MED13: variants seen among roughly 807,000 people sequenced by gnomAD.
The protein encoded by MED13 is mediator of RNA polymerase II transcription subunit 13.
In MED13, 23 loss-of-function variants were observed where a neutral mutation model predicts 225.2. The ratio of observed to expected loss-of-function variants is 0.10; its 90% CI spans 0.07 to 0.14. The LOEUF is 0.14. MED13 is among the 10% of genes least tolerant of loss of function. MED13 has a pLI of 1.00. For synonymous variants in MED13, 942 were observed against 889.2 expected (o/e 1.06, Z -1.06); for missense variants, 2,197 against 2,594.5 (o/e 0.85, Z 3.33).
chr17:62,015,249 T>C (rs2080551914), intron 8 of MED13, among the ~76,000 whole-genome samples: 1 of 152,210 alleles, frequency 6.6e-6, no homozygotes, highest in African/African-American at 2.4e-5. Flanking sequence ...GATATTCGTA[T>C]TTTTTAGAGC....
In MED13 at chr17:61,965,141, C is replaced by T. The variant is rs752594053; in HGVS notation, c.4709G>A (p.Gly1570Glu). The change falls in exon 20 of 30, where the codon GGA becomes GAA. Residue 1570 changes from glycine (G) to glutamate (E), a missense_variant. Gly to Glu is a moderately conservative substitution (Grantham distance 98, BLOSUM62 -2). Coordinates refer to ENST00000397786, the MANE Select transcript of MED13 (RefSeq NM_005121.3). Reference sequence around the variant, plus strand: ...TGTATTTGCTTGTGTAGACATGGATCCTGCAGCATTACTGTTCATACTGCC... The same window carrying T: ...TGTATTTGCTTGTGTAGACATGGATTCTGCAGCATTACTGTTCATACTGCC... The part of the protein sequence containing the change: ...PFGSMNSNAA[G>E]SMSTQANTVQ... 3 of 1,614,072 alleles carry T rather than the reference C, an allele frequency of 1.9e-6. No homozygotes were observed. The highest frequency in any genetic ancestry group is 2.2e-5 in the East Asian group (1 of 44,880).
At chr17:62,048,213 C>T (rs1005326172) in intron 3 of MED13, among the ~76,000 whole-genome samples, 1 of 149,912 alleles carries the variant, frequency 6.7e-6, no homozygotes, top group African/African-American at 2.4e-5. Flanking sequence ...CAAGACCAGC[C>T]TAGCCAACAT....
At chr17:61,985,564 G>A (rs964235498) in intron 12 of MED13, among the ~76,000 whole-genome samples, 3 of 152,094 alleles carry the variant, frequency 2.0e-5, no homozygotes, top group Admixed American at 6.5e-5. Context: ...CCAGCTACTC[G>A]GGAGGCTGAG....
chr17:61,951,676 A>T (rs2079897930), intron 27 of MED13, among the ~76,000 whole-genome samples: 1 of 152,168 alleles, frequency 6.6e-6, no homozygotes, highest in South Asian at 2.1e-4. Context: ...TGCAACATAA[A>T]CGTATGTGGA....
intron 16 of MED13, among the ~76,000 whole-genome samples, chr17:61,979,289 GATT>G (rs1256834770): frequency 1.3e-5 from 2 of 151,960 alleles, no homozygotes; most frequent in African/African-American, 4.8e-5. Flanking sequence ...GTACTATCAT[GATT>G]ACTCAACCCT....
chr17:61,948,085 T>C (rs954408391), intron 28 of MED13, among the ~76,000 whole-genome samples: 26 of 152,190 alleles, frequency 1.7e-4, no homozygotes, highest in African/African-American at 6.0e-4. Flanking sequence ...ATTTTTAAAA[T>C]GTAATTAGTA....
chr17:62,058,536 A>G (rs1301913955), intron 2 of MED13, among the ~76,000 whole-genome samples: 3 of 151,022 alleles, frequency 2.0e-5, no homozygotes, highest in African/African-American at 7.3e-5. Context: ...AAAAAAAAAA[A>G]AAAAAAGAAA....
intron 8 of MED13, among the ~76,000 whole-genome samples, chr17:62,023,261 G>A (rs2080667293): frequency 6.6e-6 from 1 of 152,048 alleles, no homozygotes; most frequent in Non-Finnish European, 1.5e-5. Flanking sequence ...AATGTTATCA[G>A]GCAGGGTCCA....
chr17:62,055,210 C>T (rs1362975491), intron 2 of MED13, among the ~76,000 whole-genome samples: 2 of 151,842 alleles, frequency 1.3e-5, no homozygotes, highest in African/African-American at 4.8e-5. Flanking sequence ...GCCTGGCCAA[C>T]ATGGCAAAAC....
intron 8 of MED13, among the ~76,000 whole-genome samples, chr17:62,013,995 C>G (rs913291375): frequency 7.2e-5 from 11 of 152,066 alleles, no homozygotes; most frequent in Non-Finnish European, 1.6e-4. Context: ...GCTGAGATCA[C>G]ACCACTGCAC....
At chr17:62,010,048 C>T (rs1215413615) in intron 9 of MED13, among the ~76,000 whole-genome samples, 3 of 151,872 alleles carry the variant, frequency 2.0e-5, no homozygotes, top group African/African-American at 7.3e-5. Flanking sequence ...ATGGTGAAAC[C>T]CCATCTCTAC....
chr17:62,024,422 A>T (rs528932365), intron 8 of MED13, among the ~76,000 whole-genome samples: 13 of 152,382 alleles, frequency 8.5e-5, no homozygotes, highest in African/African-American at 3.1e-4. Context: ...AAACCATTTT[A>T]GACAAAATAC....
At chr17:61,972,951 T>C (rs915489187) in intron 16 of MED13, 63 bp from the exon 17 acceptor site, 19 of 1,412,286 alleles carry the variant, frequency 1.3e-5, no homozygotes, top group Non-Finnish European at 1.8e-5. Context: ...AATAAAATTT[T>C]AAGATAATAC....
At chr17:61,964,642 A>G (rs1028346614) in intron 20 of MED13, among the ~76,000 whole-genome samples, 1 of 152,126 alleles carries the variant, frequency 6.6e-6, no homozygotes, top group Non-Finnish European at 1.5e-5. Flanking sequence ...TTATTTAGAA[A>G]AAAAGCAGCA....
rs910355334 is a variant in MED13 at position 62,029,778 on chromosome 17, A to C, written c.1172+73T>G. On this transcript the variant is annotated intron_variant, in intron 7 of 29. Transcript: ENST00000397786. ...AGAAAAATCAAACAAATGACTGTTTATACTTTAGATATCTTCTAATTATAA... is the reference window on the plus strand; with the variant it reads ...AGAAAAATCAAACAAATGACTGTTTCTACTTTAGATATCTTCTAATTATAA... 19 of 1,521,644 alleles carry C rather than the reference A, an allele frequency of 1.2e-5. No homozygotes were observed. In the African/African-American group the frequency reaches 2.5e-4, roughly 20 times the overall value. 94.3% of individuals were successfully genotyped at this position (1,521,644 alleles called of 1,614,324 possible).
chr17:61,956,595 G>C, intron 23 of MED13, 114 bp from the exon 24 acceptor site: 1 of 1,065,636 alleles, frequency 9.4e-7, no homozygotes, highest in Non-Finnish European at 1.3e-6. Context: ...ATGGAGTGCA[G>C]TGGTGCGATC....
At position 62,010,036 on chromosome 17, in the gene MED13, G is replaced by T. The variant is rs563598748; in HGVS notation, c.1967+514C>A. ...CAGGAGTTCGAGACCAGCCTAGCCA[G>T]CATGGTGAAACCCCATCTCTACTAA... is the stretch of plus-strand genomic sequence containing the variant. On this transcript the variant is annotated intron_variant, in intron 9 of 29. Transcript: ENST00000397786. Among the ~76,000 whole-genome samples, 3 of 151,982 alleles carry T rather than the reference G, an allele frequency of 2.0e-5. No individual in the cohort carries two copies. The East Asian group carries it at 5.8e-4, about 30-fold the overall frequency.
chr17:61,984,718 C>T lies in MED13; in HGVS notation c.2624G>A (p.Ser875Asn), dbSNP rs746918668. ...GGTVLEGNSS[S>N]IGAQFKIEVD... is the part of the protein sequence containing the mutation. ...CTCAATTTTGAACTGCGCTCCTATA[C>T]TAGAACTATTTCCTTCTAGAACAGT... Residue 875 changes from serine to asparagine, a missense_variant, in exon 14 of 30, where the codon AGT becomes AAT. Ser to Asn is a conservative substitution (Grantham distance 46). Around this residue, in one of 12 missense-constraint regions of MED13, gnomAD observed 160 missense variants for 184.8 expected, o/e 0.87. Transcript: ENST00000397786. 16 of 1,613,924 alleles carry T rather than the reference C, an allele frequency of 9.9e-6. No homozygotes were observed. In the East Asian group the frequency reaches 3.1e-4, roughly 31 times the overall value.
chr17:61,959,680 C>A (rs1336020567), intron 23 of MED13, among the ~76,000 whole-genome samples: 1 of 150,168 alleles, frequency 6.7e-6, no homozygotes, highest in Non-Finnish European at 1.5e-5. Flanking sequence ...ACCTAAAAAA[C>A]AAGCTTTTAT....
Sources: allele counts gnomAD v4.1 joint callset (sites outside exome capture counted in the v4.1 genomes callset), GRCh38; gene constraint gnomAD v4.1.1; regional missense constraint gnomAD v4.1.1; transcripts MANE v1.5; gene names NCBI Gene and HGNC (gene_info 2026-07-23, HGNC 2026-07-21).